The following METTL25B variants were observed in gnomAD, a reference collection of about 807,000 sequenced individuals.
METTL25B encodes methyltransferase-like protein 25B.
A neutral mutation model predicts 48.4 loss-of-function variants in METTL25B; 38 were observed. That is an observed-to-expected ratio of 0.78 (90% CI 0.61 to 1.03). The LOEUF is 1.03. METTL25B is among the 50% of genes least tolerant of loss of function. METTL25B has a pLI of 0.00. For missense variants in METTL25B, 537 were observed against 603.7 expected (o/e 0.89, Z 1.16); for synonymous variants, 230 against 254.5 (o/e 0.90, Z 0.92).
At chr1:156,732,870 G>T in intron 3 of METTL25B, 115 bp from the exon 4 acceptor site, 1 of 896,804 alleles carries the variant, frequency 1.1e-6, no homozygotes, top group African/African-American at 1.7e-5. Flanking sequence ...TCACATCCAG[G>T]GCACCCTCTG....
At chr1:156,735,950 C>A in intron 7 of METTL25B, 41 bp downstream of exon 7, 1 of 1,517,462 alleles carries the variant, frequency 6.6e-7, no homozygotes, top group South Asian at 1.2e-5. Flanking sequence ...ACTATAGTGA[C>A]TGGGGTTCTG....
chr1:156,733,493 G>C lies in METTL25B; in HGVS notation c.609G>C (p.Leu203=), dbSNP rs1649464638. ...TGGACCAGGAGCTTCTGCAGGCTCTGGAGAAAGAGGAGAAGAGGAACCCGC... is the reference window on the plus strand; with the variant it reads ...TGGACCAGGAGCTTCTGCAGGCTCTCGAGAAAGAGGAGAAGAGGAACCCGC... ...QRLDQELLQA[L]EKEEKRNPQV... The change falls in exon 5 of 8, where the codon CTG becomes CTC. Residue 203 remains leucine, a synonymous_variant. Coordinates refer to ENST00000368216, the MANE Select transcript of METTL25B (RefSeq NM_015997.4). 1 of 1,613,960 alleles carries C rather than the reference G, an allele frequency of 6.2e-7. No individual in the cohort carries two copies. The highest frequency in any genetic ancestry group is 8.5e-7 in the Non-Finnish European group (1 of 1,180,032).
chr1:156,733,047 G>C lies in METTL25B; in HGVS notation c.492G>C (p.Gln164His), dbSNP rs751193921. ...AGGTTGTAGACGTGGGCTCAGGCCA[G>C]GTGAGCCAGAGTCTTGATGTACTGT... ...CTQVVDVGSGQGHLSRFMALG... is the reference protein window; with the variant it reads ...CTQVVDVGSGHGHLSRFMALG... Residue 164 changes from glutamine to histidine, a missense_variant and splice_region_variant, in exon 4 of 8, where the codon CAG (glutamine) becomes CAC (histidine). Coordinates refer to ENST00000368216, the MANE Select transcript of METTL25B (RefSeq NM_015997.4). 1 of 1,613,906 alleles carries C rather than the reference G, an allele frequency of 6.2e-7. No homozygotes were observed.
chr1:156,733,499 A>G lies in METTL25B; in HGVS notation c.615A>G (p.Lys205=), dbSNP rs1553247278. 2.5e-6 allele frequency: 4 copies of G among 1,613,980 alleles called. No individual in the cohort carries two copies. Among genetic ancestry groups the G allele is most frequent in the Non-Finnish European group, 3.4e-6 (4 of 1,179,980 alleles). The change falls in exon 5 of 8, where the codon AAA becomes AAG. Residue 205 remains lysine, a synonymous_variant. Coordinates refer to ENST00000368216, the MANE Select transcript of METTL25B (RefSeq NM_015997.4). The part of the protein sequence containing the change: ...LDQELLQALE[K]EEKRNPQVVQ... ...AGGAGCTTCTGCAGGCTCTGGAGAA[A>G]GAGGAGAAGAGGAACCCGCAGGTAG...
intron 7 of METTL25B, 149 bp from the exon 8 acceptor site, chr1:156,736,483 G>A: frequency 1.2e-6 from 1 of 827,352 alleles, no homozygotes; most frequent in South Asian, 1.9e-5. Flanking sequence ...AGTGCCTTGG[G>A]AACCCGTGTT....
At chr1:156,729,400 T>C in intron 1 of METTL25B, 185 bp downstream of exon 1, 1 of 488,106 alleles carries the variant, frequency 2.0e-6, no homozygotes, top group Non-Finnish European at 3.6e-6. Flanking sequence ...ACATAAATAA[T>C]ATTTCTTTTT....
At chr1:156,733,679 C>A in intron 5 of METTL25B, 159 bp downstream of exon 5, 1 of 762,406 alleles carries the variant, frequency 1.3e-6, no homozygotes, top group Non-Finnish European at 2.1e-6. Context: ...TTCCCCAGTG[C>A]CTCCCTGTAT....
Position 156,736,851 on chromosome 1 carries a change from C to A in METTL25B, c.*98C>A. The A allele has an allele frequency of 8.3e-7, 1 of 1,209,892 alleles. No individual in the cohort carries two copies. 74.9% of individuals were successfully genotyped at this position (1,209,892 alleles called of 1,614,324 possible). A position where few individuals can be genotyped will look rare whatever the true frequency, so the allele number is the denominator to read the frequency against. On this transcript the variant is annotated 3_prime_UTR_variant, in exon 8 of 8. Coordinates refer to ENST00000368216, the MANE Select transcript of METTL25B (RefSeq NM_015997.4). ...ATCCAGAGAAACAGCATCCTGCATC[C>A]TCCAGAGTCCTGGTTCCTTCAGTTT...
chr1:156,733,700 C>CT lies in METTL25B; in HGVS notation c.636+183dup, dbSNP rs1649481886. On this transcript the variant is annotated intron_variant, in intron 5 of 7. Coordinates refer to ENST00000368216, the MANE Select transcript of METTL25B (RefSeq NM_015997.4). Reference sequence around the variant, plus strand: ...AGTGCCTCCCTGTATCTCAAAGTTACTTTCTATTTACAAAGTGCTTTCCAC... The same window carrying CT: ...AGTGCCTCCCTGTATCTCAAAGTTACTTTTCTATTTACAAAGTGCTTTCCAC... 28 of 712,506 alleles carry CT rather than the reference C, an allele frequency of 3.9e-5. No individual in the cohort carries two copies. In the South Asian group the frequency reaches 4.8e-4, roughly 12 times the overall value. The allele number at this position is 712,506 out of a possible 1,614,324, so 44.1% of individuals were successfully genotyped here. A position where few individuals can be genotyped will look rare whatever the true frequency, so the allele number is the denominator to read the frequency against.
chr1:156,733,343 A>C (rs1354544275), intron 4 of METTL25B, 34 bp from the exon 5 acceptor site: 1 of 1,613,264 alleles, frequency 6.2e-7, no homozygotes, highest in Non-Finnish European at 8.5e-7. Context: ...TAGGGCACTG[A>C]ACAGGGCTGT....
chr1:156,730,814 A>G (rs925097138), intron 1 of METTL25B, among the ~76,000 whole-genome samples: 2 of 152,260 alleles, frequency 1.3e-5, no homozygotes, highest in East Asian at 1.9e-4. Flanking sequence ...GCCTGTTTCT[A>G]CATCTGTAAA....
intron 3 of METTL25B, among the ~76,000 whole-genome samples, chr1:156,732,690 C>T (rs957443898): frequency 1.3e-5 from 2 of 152,092 alleles, no homozygotes; most frequent in African/African-American, 2.4e-5. Context: ...CTGTCTCATT[C>T]CTGTTCCCAA....
chr1:156,728,650 C>T lies in METTL25B; in HGVS notation c.-455C>T, dbSNP rs12752666. 3 of 985,722 alleles carry T rather than the reference C, an allele frequency of 3.0e-6. No individual in the cohort carries two copies. The highest frequency in any genetic ancestry group is 2.3e-4 in the East Asian group (2 of 8,814). 61.1% of individuals were successfully genotyped at this position (985,722 alleles called of 1,614,324 possible). A position where few individuals can be genotyped will look rare whatever the true frequency, so the allele number is the denominator to read the frequency against. On this transcript the variant is annotated 5_prime_UTR_variant, in exon 1 of 8. Coordinates refer to ENST00000368216, the MANE Select transcript of METTL25B (RefSeq NM_015997.4). ...GGTGGGGGCGGGGGCGGGATGCGCTCCCCGGCCCCTCTAGCCCCGTGGTGG... is the reference window on the plus strand; with the variant it reads ...GGTGGGGGCGGGGGCGGGATGCGCTTCCCGGCCCCTCTAGCCCCGTGGTGG...
chr1:156,729,214 T>C lies in METTL25B; in HGVS notation c.110T>C (p.Ile37Thr), dbSNP rs1344714995. Residue 37 changes from isoleucine to threonine, a missense_variant and splice_region_variant, in exon 1 of 8, where the codon ATC (isoleucine) becomes ACC (threonine). Ile to Thr is a moderately conservative substitution (Grantham distance 89). Coordinates refer to ENST00000368216, the MANE Select transcript of METTL25B (RefSeq NM_015997.4). ...LYRSILDAYI[I>T]EFFTDNLWDT... is the part of the protein sequence containing the mutation. ...CGTTCCATCTTGGATGCCTACATCA[T>C]CGTGAGGCCACAGGGGCGTGGGTGG... 3 of 1,590,532 alleles carry C rather than the reference T, an allele frequency of 1.9e-6. No homozygotes were observed. Among genetic ancestry groups the C allele is most frequent in the Non-Finnish European group, 2.6e-6 (3 of 1,160,968 alleles).
At chr1:156,729,392 A>G (rs1185569860) in intron 1 of METTL25B, 177 bp downstream of exon 1, 4 of 486,660 alleles carry the variant, frequency 8.2e-6, no homozygotes, top group South Asian at 6.5e-5. Context: ...TTCAGCTGAC[A>G]TAAATAATAT....
At chr1:156,729,853 G>A (rs1236046234) in intron 1 of METTL25B, among the ~76,000 whole-genome samples, 1 of 152,188 alleles carries the variant, frequency 6.6e-6, no homozygotes, top group Non-Finnish European at 1.5e-5. Flanking sequence ...ATAAATGAGA[G>A]AATGTGTAAA....
chr1:156,730,484 G>A (rs1211843897), intron 1 of METTL25B, among the ~76,000 whole-genome samples: 1 of 152,138 alleles, frequency 6.6e-6, no homozygotes, highest in Non-Finnish European at 1.5e-5. Flanking sequence ...AGCACTCTGG[G>A]AGGCCGAGGT....
rs1262359359 is a variant in METTL25B at position 156,734,435 on chromosome 1, G to A, written c.1063G>A (p.Glu355Lys). The change falls in exon 6 of 8, where the codon GAG (glutamate) becomes AAG (lysine). Residue 355 changes from glutamate (E) to lysine (K), a missense_variant. By Grantham distance (56) the Glu-to-Lys change is moderately conservative. Coordinates refer to ENST00000368216, the MANE Select transcript of METTL25B (RefSeq NM_015997.4). ...LETVIRRARP[E>K]LRRPGVQGIP... ...GACAGTCATCCGACGGGCCCGGCCCGAGCTCCGTCGGCCAGGCGTGCAGGG... is the reference window on the plus strand; with the variant it reads ...GACAGTCATCCGACGGGCCCGGCCCAAGCTCCGTCGGCCAGGCGTGCAGGG... The A allele has an allele frequency of 6.8e-6, 11 of 1,606,214 alleles. No homozygotes were observed. Among genetic ancestry groups the A allele is most frequent in the African/African-American group, 4.0e-5 (3 of 74,912 alleles).
At chr1:156,732,611 AATC>A in intron 3 of METTL25B, 138 bp downstream of exon 3, 1 of 797,718 alleles carries the variant, frequency 1.3e-6, no homozygotes, top group Non-Finnish European at 1.9e-6. Flanking sequence ...AGACATAACT[AATC>A]ATATTTTGAT....
Sources: gnomAD v4.1 joint callset for allele counts (sites outside exome capture counted in the v4.1 genomes callset) on GRCh38, gnomAD v4.1.1 for gene constraint, MANE v1.5 for transcripts, NCBI Gene and HGNC (gene_info 2026-07-23, HGNC 2026-07-21) for gene names.